Variants in RBFOX1 observed in about 807,000 individuals in gnomAD.
RBFOX1 encodes the protein RNA binding protein fox-1 homolog 1.
Under a neutral mutation model 57.7 loss-of-function variants are expected in RBFOX1, and 8 were observed. The observed-to-expected ratio is 0.14, with a 90% CI of 0.08 to 0.25. RBFOX1 has a LOEUF of 0.25. Among genes scored for constraint, RBFOX1 ranks in the 10% least tolerant of loss-of-function variants. The pLI, the probability that RBFOX1 is intolerant of heterozygous loss-of-function variation, is 1.00. For synonymous variants in RBFOX1, 326 were observed against 222.4 expected (o/e 1.47, Z -4.15); for missense variants, 611 against 548.5 (o/e 1.11, Z -1.14).
rs549414010 is a variant in RBFOX1, at chr16:6,940,204, A to G, written c.-15-111853A>G. 6.6e-5 allele frequency among the ~76,000 whole-genome samples: 10 copies of G among 152,124 alleles called. No homozygotes were observed. The East Asian group carries it at 1.7e-3, about 26-fold the overall frequency. On this transcript the variant is annotated intron_variant, in intron 3 of 15. Coordinates refer to ENST00000550418, the MANE Select transcript of RBFOX1 (RefSeq NM_018723.4). Reference sequence around the variant, plus strand: ...GAGACTCCATCTCAAAAATAAAAATAAATAAATAAATAAATAGGTACAGGT... The same window carrying G: ...GAGACTCCATCTCAAAAATAAAAATGAATAAATAAATAAATAGGTACAGGT...
chr16:6,769,952 A>G (rs541309364), intron 3 of RBFOX1, among the ~76,000 whole-genome samples: 15 of 152,274 alleles, frequency 9.9e-5, no homozygotes, highest in African/African-American at 3.6e-4. Flanking sequence ...GTTCCTATCT[A>G]TGTGCCTTAT....
At chr16:6,526,992 CAAATCTGG>C (rs1050261085) in intron 2 of RBFOX1, among the ~76,000 whole-genome samples, 1 of 151,902 alleles carries the variant, frequency 6.6e-6, no homozygotes, top group African/African-American at 2.4e-5. Flanking sequence ...AAGAGAAATT[CAAATCTGG>C]AAATCCAACT....
chr16:6,781,758 C>G (rs1171167932), intron 3 of RBFOX1, among the ~76,000 whole-genome samples: 3 of 152,030 alleles, frequency 2.0e-5, no homozygotes, highest in African/African-American at 7.2e-5. Flanking sequence ...TCTGTGGTAT[C>G]TGTTTTAATA....
At chr16:5,243,329 C>T (rs1012807529) in intron 1 of RBFOX1, among the ~76,000 whole-genome samples, 10 of 152,252 alleles carry the variant, frequency 6.6e-5, no homozygotes, top group South Asian at 4.1e-4. Context: ...CCCTGATGGA[C>T]GCACCAGATA....
chr16:6,480,188 T>G lies in RBFOX1; in HGVS notation c.-64+163131T>G, dbSNP rs528129946. Among the ~76,000 whole-genome samples the G allele has an allele frequency of 1.2e-3, 188 of 152,352 alleles. 1 individual carries two copies. The highest frequency in any genetic ancestry group is 4.3e-3 in the African/African-American group (178 of 41,578). On this transcript the variant is annotated intron_variant, in intron 2 of 15. Coordinates refer to ENST00000550418, the MANE Select transcript of RBFOX1 (RefSeq NM_018723.4). Reference sequence around the variant, plus strand: ...TTTTGTTCTTTTAAGAGAACACTTATGTACTGGCTTTATGCTTTTAAAAGT... The same window carrying G: ...TTTTGTTCTTTTAAGAGAACACTTAGGTACTGGCTTTATGCTTTTAAAAGT...
chr16:6,853,512 C>T (rs967555775), intron 3 of RBFOX1, among the ~76,000 whole-genome samples: 1 of 152,036 alleles, frequency 6.6e-6, no homozygotes, highest in East Asian at 1.9e-4. Flanking sequence ...TCCCTGTCTG[C>T]TTGGGACTCT....
At chr16:6,315,642 C>G (rs1435189815) in intron 1 of RBFOX1, among the ~76,000 whole-genome samples, 1 of 151,928 alleles carries the variant, frequency 6.6e-6, no homozygotes, top group Admixed American at 6.6e-5. Flanking sequence ...TGACACTAGC[C>G]CATGAGATTG....
In RBFOX1 at chr16:5,328,347, A is replaced by T. The variant is rs114305781; in HGVS notation, c.219+88242A>T. 7.0e-3 allele frequency among the ~76,000 whole-genome samples: 1,067 copies of T among 152,364 alleles called. 11 individuals carry two copies. Among genetic ancestry groups the T allele is most frequent in the African/African-American group, 0.024 (1,018 of 41,586 alleles). On this transcript the variant is annotated intron_variant, in intron 1 of 2. Transcript: ENST00000585867. ...ATAGAGGAAAGGCTGTCTGCAAGCC[A>T]GGAGACGCTCTGACCTTAGAAAAAA...
chr16:7,559,682 G>C (rs957294950), intron 5 of RBFOX1, among the ~76,000 whole-genome samples: 18 of 152,202 alleles, frequency 1.2e-4, no homozygotes, highest in African/African-American at 3.9e-4. Context: ...TTCATGACTT[G>C]TGTCTACTGT....
intron 1 of RBFOX1, among the ~76,000 whole-genome samples, chr16:5,309,037 C>T (rs980406514): frequency 2.0e-5 from 3 of 152,136 alleles, no homozygotes; most frequent in Non-Finnish European, 4.4e-5. Context: ...TTGGCTAGAG[C>T]TTCCTCTACT....
chr16:7,552,539 G>A (rs1244317064), intron 5 of RBFOX1, among the ~76,000 whole-genome samples: 1 of 152,194 alleles, frequency 6.6e-6, no homozygotes, highest in African/African-American at 2.4e-5. Context: ...TCTAAGGCGA[G>A]ATCTGAACTG....
In RBFOX1 at chr16:6,505,027, T is replaced by G. The variant is rs138610658; in HGVS notation, c.-63-149576T>G. On this transcript the variant is annotated intron_variant, in intron 2 of 15. Coordinates refer to ENST00000550418, the MANE Select transcript of RBFOX1 (RefSeq NM_018723.4). ...GGCAGAGGTTGCAGTGAGCCAAGAT[T>G]GTGCTGCTCTACTCCATCTTGGGCA... Among the ~76,000 whole-genome samples, 1,289 of 152,272 alleles carry G rather than the reference T, an allele frequency of 8.5e-3. 18 individuals carry two copies. Among genetic ancestry groups the G allele is most frequent in the African/African-American group, 0.029 (1,187 of 41,574 alleles).
intron 2 of RBFOX1, among the ~76,000 whole-genome samples, chr16:6,599,946 G>C (rs1200815941): frequency 1.3e-5 from 2 of 152,120 alleles, no homozygotes; most frequent in East Asian, 1.9e-4. Flanking sequence ...ACAAAGCATT[G>C]AACGCAGTCC....
At chr16:6,105,980 AC>A (rs1478128076) in intron 1 of RBFOX1, among the ~76,000 whole-genome samples, 1 of 151,784 alleles carries the variant, frequency 6.6e-6, no homozygotes, top group African/African-American at 2.4e-5. Flanking sequence ...AGCTCTTTAC[AC>A]TAATATTGCT....
chr16:7,081,411 A>C (rs575430692), intron 4 of RBFOX1, among the ~76,000 whole-genome samples: 33 of 152,094 alleles, frequency 2.2e-4, no homozygotes, highest in Non-Finnish European at 3.5e-4. Flanking sequence ...TTGTGTCCTA[A>C]ACTTTAGCTA....
intron 4 of RBFOX1, among the ~76,000 whole-genome samples, chr16:5,897,688 A>C (rs2152170238): frequency 6.6e-6 from 1 of 152,270 alleles, no homozygotes; most frequent in East Asian, 1.9e-4. Context: ...TCCTGCCTGC[A>C]AGCTTCTCCA....
intron 1 of RBFOX1, among the ~76,000 whole-genome samples, chr16:5,310,614 G>T (rs1018561984): frequency 5.9e-5 from 9 of 152,194 alleles, no homozygotes; most frequent in Non-Finnish European, 1.2e-4. Context: ...ACATACAATT[G>T]TAAGGTTAGA....
intron 4 of RBFOX1, among the ~76,000 whole-genome samples, chr16:5,966,824 C>T (rs541912649): frequency 2.0e-5 from 3 of 152,012 alleles, no homozygotes; most frequent in Non-Finnish European, 4.4e-5. Context: ...GGGGGCAGAT[C>T]CAAACCATAT....
At chr16:6,579,526 CTAATGGTTTTG>C (rs945601710) in intron 2 of RBFOX1, among the ~76,000 whole-genome samples, 1 of 152,112 alleles carries the variant, frequency 6.6e-6, no homozygotes, top group African/African-American at 2.4e-5. Context: ...CTCACAAAAC[CTAATGGTTTTG>C]TAACGGGCTT....
Sources: allele counts gnomAD v4.1 joint callset (sites outside exome capture counted in the v4.1 genomes callset), GRCh38; gene constraint gnomAD v4.1.1; transcripts MANE v1.5; gene names NCBI Gene and HGNC (gene_info 2026-07-23, HGNC 2026-07-21).